RAB40C: variants seen among roughly 807,000 people sequenced by gnomAD.
RAB40C encodes the protein RAB40C, member RAS oncogene family.
Under a neutral mutation model 28.1 loss-of-function variants are expected in RAB40C, and 8 were observed. The ratio of observed to expected loss-of-function variants is 0.28; its 90% CI spans 0.17 to 0.51. RAB40C has a LOEUF of 0.51. RAB40C is among the 20% of genes least tolerant of loss of function. The pLI is 0.97. For synonymous variants in RAB40C, 201 were observed against 171.7 expected (o/e 1.17, Z -1.34); for missense variants, 288 against 405.9 (o/e 0.71, Z 2.50).
rs535753413 is a variant in RAB40C, at chr16:594,135, C to T, written c.142+3702C>T. On this transcript the variant is annotated intron_variant, in intron 1 of 5. Coordinates refer to ENST00000248139, the MANE Select transcript of RAB40C (RefSeq NM_021168.5). ...TCCTGGATTAAGGCAGTTCCACCCTCGGCACCGTGTCCCCACAAACCTTCC... is the reference window on the plus strand; with the variant it reads ...TCCTGGATTAAGGCAGTTCCACCCTTGGCACCGTGTCCCCACAAACCTTCC... 9.8e-5 allele frequency among the ~76,000 whole-genome samples: 15 copies of T among 152,318 alleles called. No individual in the cohort carries two copies. The South Asian group carries it at 1.0e-3, about 11-fold the overall frequency.
chr16:615,501 T>TG (rs1298269780), intron 1 of RAB40C, among the ~76,000 whole-genome samples: 1 of 151,742 alleles, frequency 6.6e-6, no homozygotes, highest in Non-Finnish European at 1.5e-5. Flanking sequence ...GTTTCTAAGG[T>TG]GGGGGAAGGG....
At chr16:601,894 G>A (rs972708751) in intron 1 of RAB40C, among the ~76,000 whole-genome samples, 4 of 149,854 alleles carry the variant, frequency 2.7e-5, no homozygotes, top group South Asian at 4.2e-4. Context: ...TTGGGAGGCC[G>A]AGGTGGGTGG....
intron 3 of RAB40C, among the ~76,000 whole-genome samples, chr16:620,831 C>T (rs918025179): frequency 2.7e-5 from 4 of 149,586 alleles, no homozygotes; most frequent in Non-Finnish European, 4.5e-5. Context: ...TCCCAGCCAC[C>T]CCCCCCGACG....
Position 629,266 on chromosome 16 carries a change from G to T in RAB40C, c.*1644G>T. The T allele has an allele frequency of 3.2e-6, 1 of 310,332 alleles. No individual in the cohort carries two copies. Among genetic ancestry groups the T allele is most frequent in the Admixed American group, 4.0e-5 (1 of 24,922 alleles). The allele number at this position is 310,332 out of a possible 1,614,324, so 19.2% of individuals were successfully genotyped here. The stretch of plus-strand genomic sequence containing the variant: ...GTACAGTAAATGTAATTCAGCTGTG[G>T]TCCCCACGTTTTGCTGTGTCTGGTG... On this transcript the variant is annotated 3_prime_UTR_variant, in exon 6 of 6. Coordinates refer to ENST00000248139, the MANE Select transcript of RAB40C (RefSeq NM_021168.5).
chr16:595,482 A>G (rs1269734765), intron 1 of RAB40C, among the ~76,000 whole-genome samples: 1 of 152,046 alleles, frequency 6.6e-6, no homozygotes, highest in East Asian at 1.9e-4. Flanking sequence ...CGCGCACACT[A>G]AGTTCTCCTG....
At chr16:623,185 C>T (rs964727305) in intron 3 of RAB40C, among the ~76,000 whole-genome samples, 1 of 152,222 alleles carries the variant, frequency 6.6e-6, no homozygotes, top group East Asian at 1.9e-4. Context: ...AGCCGGGAGG[C>T]GGGCCTTCTG....
At chr16:602,671 G>GAT (rs1567186380) in intron 1 of RAB40C, among the ~76,000 whole-genome samples, 1 of 152,056 alleles carries the variant, frequency 6.6e-6, no homozygotes, top group African/African-American at 2.4e-5. Flanking sequence ...GACCTCAAGT[G>GAT]ATCCACCCAC....
At chr16:621,821 T>C (rs1596415484) in intron 3 of RAB40C, among the ~76,000 whole-genome samples, 2 of 152,232 alleles carry the variant, frequency 1.3e-5, no homozygotes, top group African/African-American at 4.8e-5. Context: ...CCATGTCTGC[T>C]TCAGGACAAA....
intron 3 of RAB40C, 114 bp downstream of exon 3, chr16:618,374 T>G: frequency 9.6e-7 from 1 of 1,046,154 alleles, no homozygotes; most frequent in Non-Finnish European, 1.4e-6. Context: ...TTTATAAGGA[T>G]ATTCTCACAT....
At chr16:600,253 C>T (rs549760890) in intron 1 of RAB40C, among the ~76,000 whole-genome samples, 3 of 152,350 alleles carry the variant, frequency 2.0e-5, no homozygotes, top group African/African-American at 4.8e-5. Context: ...GCCCTGGAAA[C>T]GGCCATCTCT....
intron 1 of RAB40C, among the ~76,000 whole-genome samples, chr16:594,123 C>T (rs2036062107): frequency 6.6e-6 from 1 of 152,190 alleles, no homozygotes; most frequent in South Asian, 2.1e-4. Flanking sequence ...TGGATTAAGG[C>T]AGTTCCACCC....
Position 590,311 on chromosome 16 carries a change from C to T in RAB40C, c.20C>T (p.Pro7Leu). The T allele has an allele frequency of 6.3e-7, 1 of 1,576,254 alleles. No homozygotes were observed. Among genetic ancestry groups the T allele is most frequent in the Non-Finnish European group, 8.6e-7 (1 of 1,164,402 alleles). MGSQGS[P>L]VKSYDYLLKF... ...GCGGCCATGGGCTCGCAGGGCAGTC[C>T]GGTGAAGAGCTACGACTACCTGCTC... Residue 7 changes from proline to leucine, a missense_variant, in exon 1 of 6, where the codon CCG becomes CTG. Physicochemically the swap from Pro to Leu is moderately conservative, Grantham distance 98. This residue lies in a region of RAB40C where 78 missense variants were observed against 88.2 expected (regional missense o/e 0.88). Transcript: ENST00000248139.
At position 627,905 on chromosome 16, in the gene RAB40C, G is replaced by A. The variant is rs1293971776; in HGVS notation, c.*283G>A. ...CCTGGGCTTGACCGGCGGGGAGCCT[G>A]GTTGGCCTTTCTTATTTATATAGAG... On this transcript the variant is annotated 3_prime_UTR_variant, in exon 6 of 6. Coordinates refer to ENST00000248139, the MANE Select transcript of RAB40C (RefSeq NM_021168.5). 4 of 434,186 alleles carry A rather than the reference G, an allele frequency of 9.2e-6. No individual in the cohort carries two copies. Among genetic ancestry groups the A allele is most frequent in the Non-Finnish European group, 1.6e-5 (4 of 246,826 alleles). 26.9% of individuals were successfully genotyped at this position (434,186 alleles called of 1,614,324 possible).
chr16:592,516 C>T (rs962039247), intron 1 of RAB40C, among the ~76,000 whole-genome samples: 2 of 152,140 alleles, frequency 1.3e-5, no homozygotes, highest in African/African-American at 4.8e-5. Flanking sequence ...GGGGCTCACA[C>T]GTTAGGCCCC....
intron 3 of RAB40C, among the ~76,000 whole-genome samples, chr16:619,834 C>T (rs2036675270): frequency 6.6e-6 from 1 of 152,240 alleles, no homozygotes; most frequent in Non-Finnish European, 1.5e-5. Context: ...CATTTCCTTC[C>T]ATTTCTACAC....
intron 3 of RAB40C, chr16:625,207 T>A: frequency 7.0e-7 from 1 of 1,422,114 alleles, no homozygotes; most frequent in Non-Finnish European, 9.3e-7. Context: ...TCTGACACCA[T>A]GGAAGGCGCC....
At chr16:611,682 T>G (rs1159947636) in intron 1 of RAB40C, among the ~76,000 whole-genome samples, 1 of 121,606 alleles carries the variant, frequency 8.2e-6, no homozygotes, top group African/African-American at 3.3e-5. Flanking sequence ...CGCCCTGGCC[T>G]GTAGAATCAA....
chr16:606,110 C>G (rs944789692), intron 1 of RAB40C, among the ~76,000 whole-genome samples: 1 of 152,150 alleles, frequency 6.6e-6, no homozygotes, highest in African/African-American at 2.4e-5. Flanking sequence ...ACACATAGTC[C>G]TCTCGGTCCT....
At chr16:596,266 G>A (rs1371874283) in intron 1 of RAB40C, 1 of 455,660 alleles carries the variant, frequency 2.2e-6, no homozygotes, top group African/African-American at 2.0e-5. Context: ...AAGGACACAA[G>A]GGAGGGATCT....
Sources: allele counts gnomAD v4.1 joint callset (sites outside exome capture counted in the v4.1 genomes callset), GRCh38; gene constraint gnomAD v4.1.1; regional missense constraint gnomAD v4.1.1; transcripts MANE v1.5; gene names NCBI Gene and HGNC (gene_info 2026-07-23, HGNC 2026-07-21).